SLC2A13: variants seen among roughly 807,000 people sequenced by gnomAD.
SLC2A13 encodes solute carrier family 2 member 13.
SLC2A13 carries 32 observed loss-of-function variants against 64.4 expected under a neutral mutation model. The ratio of observed to expected loss-of-function variants is 0.50; its 90% CI spans 0.37 to 0.67. The LOEUF is 0.67. Ranked by LOEUF, SLC2A13 falls within the 30% of genes least tolerant of loss-of-function variation. The pLI, the probability that SLC2A13 is intolerant of heterozygous loss-of-function variation, is 0.00. For synonymous variants in SLC2A13, 338 were observed against 327.1 expected (o/e 1.03, Z -0.36); for missense variants, 743 against 829.2 (o/e 0.90, Z 1.28).
At chr12:39,760,397 G>C in intron 9 of SLC2A13, 145 bp from the exon 10 acceptor site, 1 of 642,662 alleles carries the variant, frequency 1.6e-6, no homozygotes, top group Non-Finnish European at 2.6e-6. Flanking sequence ...TATGAACCTG[G>C]TTTACTCCAA....
Position 40,028,513 on chromosome 12 carries a change from CA to C in SLC2A13, c.717-5del, listed in dbSNP as rs1333537916. 1 of 1,607,802 alleles carries C rather than the reference CA, an allele frequency of 6.2e-7. No homozygotes were observed. The highest frequency in any genetic ancestry group is 8.5e-7 in the Non-Finnish European group (1 of 1,178,320). On this transcript the variant is annotated splice_region_variant and splice_polypyrimidine_tract_variant and intron_variant, in intron 2 of 9. Transcript: ENST00000280871. ...TGCTGCAAGTCCCAACATGTACCTG[CA>C]AAGAAAAAAAATCCACATTTACTGT...
rs1938415333 is a variant in SLC2A13 at position 40,081,871 on chromosome 12, G to T, written c.556+23382C>A. ...GGGCTTTTTGCTTTTTATATTCTTT[G>T]ATGCCCTTGAGGGTTTGACAGTGGT... is the stretch of plus-strand genomic sequence containing the variant. On this transcript the variant is annotated intron_variant, in intron 1 of 9. Coordinates refer to ENST00000280871, the MANE Select transcript of SLC2A13 (RefSeq NM_052885.4). 2.6e-5 allele frequency among the ~76,000 whole-genome samples: 4 copies of T among 152,072 alleles called. No individual in the cohort carries two copies. In the South Asian group the frequency reaches 8.3e-4, roughly 31 times the overall value.
rs61931492 is a variant in SLC2A13, at chr12:39,995,068, C to T, written c.925+33233G>A. Among the ~76,000 whole-genome samples the T allele has an allele frequency of 2.5e-3, 380 of 152,226 alleles. 3 individuals are homozygous for T. The highest frequency in any genetic ancestry group is 5.4e-3 in the South Asian group (26 of 4,802). ...CAAAACAATACTTGGTCTGAGTTAACCAGTATGAGAAAGCATGATGCTTTA... is the reference window on the plus strand; with the variant it reads ...CAAAACAATACTTGGTCTGAGTTAATCAGTATGAGAAAGCATGATGCTTTA... On this transcript the variant is annotated intron_variant, in intron 3 of 9. Transcript: ENST00000280871.
intron 3 of SLC2A13, among the ~76,000 whole-genome samples, chr12:39,991,891 C>T (rs1236569262): frequency 6.6e-6 from 1 of 152,114 alleles, no homozygotes; most frequent in Non-Finnish European, 1.5e-5. Flanking sequence ...CCATCCTGCC[C>T]TTATAGCTCA....
At chr12:39,769,823 CT>C (rs1940497824) in intron 7 of SLC2A13, among the ~76,000 whole-genome samples, 1 of 152,034 alleles carries the variant, frequency 6.6e-6, no homozygotes, top group South Asian at 2.1e-4. Flanking sequence ...CGAGCTCTAC[CT>C]GACTACACAA....
intron 3 of SLC2A13, among the ~76,000 whole-genome samples, chr12:40,015,258 G>A (rs941290490): frequency 2.6e-5 from 4 of 151,876 alleles, no homozygotes; most frequent in South Asian, 4.1e-4. Flanking sequence ...ATTTATATTC[G>A]TGGCCTTTCT....
chr12:39,760,273 T>C, intron 9 of SLC2A13, 21 bp from the exon 10 acceptor site: 1 of 1,580,720 alleles, frequency 6.3e-7, no homozygotes, highest in South Asian at 1.1e-5. Context: ...ATATAATAGA[T>C]ACATGAATAT....
intron 4 of SLC2A13, among the ~76,000 whole-genome samples, chr12:39,886,758 A>C (rs768715822): frequency 8.5e-5 from 13 of 152,228 alleles, no homozygotes; most frequent in Non-Finnish European, 1.5e-4. Context: ...TAGAGAAACA[A>C]AAAGAATAAC....
At chr12:39,919,895 C>T (rs1431201916) in intron 4 of SLC2A13, among the ~76,000 whole-genome samples, 1 of 152,124 alleles carries the variant, frequency 6.6e-6, no homozygotes, top group African/African-American at 2.4e-5. Context: ...CATTCTTTCA[C>T]ATTCCCCAAA....
rs1944064227 is a variant in SLC2A13 at position 39,871,834 on chromosome 12, C to T, written c.1162G>A (p.Val388Met). ...TLVGVWLVEK[V>M]GRRKLTFGSL... ...CCAAAGGTAAGCTTTCTGCGGCCCA[C>T]CTTCTCAACAAGCCAGACTCCCACA... The change falls in exon 5 of 10, where the codon GTG (valine) becomes ATG (methionine). Residue 388 changes from valine to methionine, a missense_variant. Transcript: ENST00000280871. 6.2e-7 allele frequency: 1 copy of T among 1,611,826 alleles called. No individual in the cohort carries two copies. Among genetic ancestry groups the T allele is most frequent in the African/African-American group, 1.3e-5 (1 of 74,792 alleles).
chr12:40,032,275 T>C (rs1191612608), intron 2 of SLC2A13, among the ~76,000 whole-genome samples: 8 of 152,206 alleles, frequency 5.3e-5, no homozygotes, highest in African/African-American at 1.9e-4. Context: ...AAAAGCCATT[T>C]ACCTTCTACG....
At chr12:39,987,864 C>G (rs1947056798) in intron 3 of SLC2A13, among the ~76,000 whole-genome samples, 1 of 151,928 alleles carries the variant, frequency 6.6e-6, no homozygotes, top group African/African-American at 2.4e-5. Context: ...CTAAAAATAA[C>G]TTTTGAAATA....
intron 3 of SLC2A13, among the ~76,000 whole-genome samples, chr12:40,002,461 AAAG>A (rs1381505078): frequency 6.6e-6 from 1 of 152,246 alleles, no homozygotes; most frequent in African/African-American, 2.4e-5. Context: ...AAACAGACTG[AAAG>A]ATGGGCTCAG....
chr12:39,900,858 C>A (rs1406494213), intron 4 of SLC2A13, among the ~76,000 whole-genome samples: 2 of 152,090 alleles, frequency 1.3e-5, no homozygotes, highest in Admixed American at 6.6e-5. Flanking sequence ...CATATGCAAC[C>A]AAAAAAGATC....
At chr12:40,013,551 A>G (rs1947568416) in intron 3 of SLC2A13, among the ~76,000 whole-genome samples, 1 of 152,224 alleles carries the variant, frequency 6.6e-6, no homozygotes, top group Admixed American at 6.5e-5. Flanking sequence ...GTAACACCCA[A>G]CGGCACATAG....
chr12:39,941,529 T>C (rs1946025736), intron 4 of SLC2A13, among the ~76,000 whole-genome samples: 1 of 152,198 alleles, frequency 6.6e-6, no homozygotes, highest in African/African-American at 2.4e-5. Flanking sequence ...ATTAGTGATG[T>C]TGAGCATTTT....
chr12:39,774,130 A>G (rs1035780779), intron 7 of SLC2A13, among the ~76,000 whole-genome samples: 3 of 152,228 alleles, frequency 2.0e-5, no homozygotes, highest in Admixed American at 6.5e-5. Context: ...TGATATAATT[A>G]CACCATTACA....
chr12:39,902,089 A>T (rs1304675073), intron 4 of SLC2A13, among the ~76,000 whole-genome samples: 2 of 151,504 alleles, frequency 1.3e-5, no homozygotes, highest in East Asian at 3.9e-4. Context: ...AAGTATCGCA[A>T]GGACAAAAAA....
At chr12:39,929,018 A>G (rs1223439287) in intron 4 of SLC2A13, among the ~76,000 whole-genome samples, 2 of 152,192 alleles carry the variant, frequency 1.3e-5, no homozygotes, top group Non-Finnish European at 2.9e-5. Flanking sequence ...TGTCCTGTCC[A>G]GAGAAAATGA....
Sources: gnomAD v4.1 joint callset for allele counts (sites outside exome capture counted in the v4.1 genomes callset) on GRCh38, gnomAD v4.1.1 for gene constraint, MANE v1.5 for transcripts, NCBI Gene and HGNC (gene_info 2026-07-23, HGNC 2026-07-21) for gene names.